The following EML4 variants were observed in gnomAD, a reference collection of about 807,000 sequenced individuals.
The protein encoded by EML4 is echinoderm microtubule-associated protein-like 4.
Under a neutral mutation model 129.0 loss-of-function variants are expected in EML4, and 72 were observed. The ratio of observed to expected loss-of-function variants is 0.56; its 90% confidence interval spans 0.46 to 0.68. The LOEUF (loss-of-function observed/expected upper bound fraction) is 0.68. EML4 is among the 30% of genes least tolerant of loss of function. EML4 has a pLI of 0.00. For missense variants in EML4, 1,363 were observed against 1,190.6 expected (o/e 1.14, Z -2.13); for synonymous variants, 532 against 405.0 (o/e 1.31, Z -3.77).
chr2:42,271,419 T>C (rs1305730810), intron 6 of EML4, among the ~76,000 whole-genome samples: 1 of 152,226 alleles, frequency 6.6e-6, no homozygotes, highest in Non-Finnish European at 1.5e-5. Context: ...GAGATTTTTT[T>C]TTAAGCCCTA....
At chr2:42,272,550 T>A (rs2104429839) in intron 6 of EML4, among the ~76,000 whole-genome samples, 1 of 152,300 alleles carries the variant, frequency 6.6e-6, no homozygotes, top group Admixed American at 6.5e-5. Flanking sequence ...CCCAAAGTGC[T>A]GGGATTACAG....
Position 42,303,210 on chromosome 2 carries a change from G to A in EML4, c.1748G>A (p.Gly583Asp). 1.2e-6 allele frequency: 2 copies of A among 1,614,136 alleles called. No individual in the cohort carries two copies. Among genetic ancestry groups the A allele is most frequent in the Non-Finnish European group, 1.7e-6 (2 of 1,180,016 alleles). ...NFILRGTFND[G>D]FQIEVQGHTD... is the part of the protein sequence containing the mutation. ...ATTTTACGAGGAACATTTAATGATG[G>A]CTTCCAAATAGAAGTACAGGTAAGC... The change falls in exon 15 of 23, where the codon GGC (glycine) becomes GAC (aspartate). Residue 583 changes from glycine (G) to aspartate (D), a missense_variant. Gly to Asp is a moderately conservative substitution (Grantham distance 94). Coordinates refer to ENST00000318522, the MANE Select transcript of EML4 (RefSeq NM_019063.5).
chr2:42,311,786 C>T (rs987704762), intron 17 of EML4, among the ~76,000 whole-genome samples: 2 of 152,186 alleles, frequency 1.3e-5, no homozygotes, highest in African/African-American at 4.8e-5. Context: ...GAGTTACATT[C>T]TCAGAAGAAA....
chr2:42,259,710 G>GTTTCTTTCTTTC (rs1424666717), intron 3 of EML4, among the ~76,000 whole-genome samples: 1 of 120,406 alleles, frequency 8.3e-6, no homozygotes, highest in Non-Finnish European at 1.7e-5. Flanking sequence ...CTATGATTTT[G>GTTTCTTTCTTTC]TTTCTTTCTT....
intron 1 of EML4, among the ~76,000 whole-genome samples, chr2:42,215,070 T>A (rs1673104345): frequency 6.6e-6 from 1 of 151,914 alleles, no homozygotes; most frequent in African/African-American, 2.4e-5. Context: ...GATGTAAAAC[T>A]TTTTTTTGAG....
intron 21 of EML4, among the ~76,000 whole-genome samples, chr2:42,326,851 C>T (rs1395026366): frequency 6.6e-6 from 1 of 152,174 alleles, no homozygotes; most frequent in Non-Finnish European, 1.5e-5. Flanking sequence ...CACTGCACTC[C>T]AGCCTGGGTG....
chr2:42,243,608 T>C lies in EML4; in HGVS notation c.26-1897T>C, dbSNP rs113823111. Among the ~76,000 whole-genome samples the C allele has an allele frequency of 4.3e-3, 649 of 152,308 alleles. 4 individuals are homozygous for C. The highest frequency in any genetic ancestry group is 0.016 in the South Asian group (76 of 4,826). On this transcript the variant is annotated intron_variant, in intron 1 of 22. Coordinates refer to ENST00000318522, the MANE Select transcript of EML4 (RefSeq NM_019063.5). ...AACTAGTTAATATGGAACCAGAATT[T>C]GAAGTCTAGATTAAAGATGAAACCC...
At chr2:42,304,146 C>T (rs1668461824) in intron 16 of EML4, among the ~76,000 whole-genome samples, 1 of 152,132 alleles carries the variant, frequency 6.6e-6, no homozygotes, top group African/African-American at 2.4e-5. Context: ...TTTCTCTCTA[C>T]CCAACCCAGA....
chr2:42,225,147 C>T (rs2104143193), intron 1 of EML4, among the ~76,000 whole-genome samples: 1 of 152,146 alleles, frequency 6.6e-6, no homozygotes, highest in South Asian at 2.1e-4. Context: ...TTTGTTTATC[C>T]ATTCATGTGT....
intron 9 of EML4, 73 bp from the exon 10 acceptor site, chr2:42,286,196 A>G (rs747397961): frequency 2.3e-6 from 2 of 855,960 alleles, no homozygotes; most frequent in African/African-American, 3.3e-5. Flanking sequence ...TTTAAATGGC[A>G]TTAGTTCTGT....
chr2:42,287,676 G>A (rs1339076327), intron 10 of EML4, among the ~76,000 whole-genome samples: 1 of 152,084 alleles, frequency 6.6e-6, no homozygotes, highest in Non-Finnish European at 1.5e-5. Flanking sequence ...AGAAAAACAG[G>A]AAATTTCATT....
chr2:42,264,132 G>C (rs1288725610), intron 5 of EML4, among the ~76,000 whole-genome samples: 1 of 62,550 alleles, frequency 1.6e-5, no homozygotes, highest in Non-Finnish European at 3.9e-5. Context: ...TTTTTTTTGA[G>C]ACAGTGTCTC....
At chr2:42,248,737 T>C (rs79739922) in intron 2 of EML4, among the ~76,000 whole-genome samples, 266 of 152,290 alleles carry the variant, frequency 1.7e-3, no homozygotes, top group Non-Finnish European at 3.2e-3. Context: ...AACTTTGCTA[T>C]TTTATAATAT....
chr2:42,254,965 C>T (rs1347271235), intron 2 of EML4, among the ~76,000 whole-genome samples: 2 of 152,048 alleles, frequency 1.3e-5, no homozygotes, highest in African/African-American at 4.8e-5. Context: ...AATATATGTG[C>T]TACAACATGG....
At chr2:42,309,753 G>A (rs1000969591) in intron 17 of EML4, among the ~76,000 whole-genome samples, 9 of 147,566 alleles carry the variant, frequency 6.1e-5, no homozygotes, top group Admixed American at 6.0e-4. Flanking sequence ...GTCTGTTCTT[G>A]TAAGAGTTTT....
At chr2:42,199,419 GATA>G (rs1672088027) in intron 1 of EML4, among the ~76,000 whole-genome samples, 1 of 152,324 alleles carries the variant, frequency 6.6e-6, no homozygotes, top group Non-Finnish European at 1.5e-5. Flanking sequence ...GTTGATTGAT[GATA>G]ATGATGAATA....
In EML4 at chr2:42,317,433, C is replaced by T. The variant is rs772535129; in HGVS notation, c.2063C>T (p.Thr688Ile). Reference protein sequence around the residue: ...LSVMRYSIDGTFLAVGSHDNF... With the variant: ...LSVMRYSIDGIFLAVGSHDNF... ...CTGACCTATTTTATTCTAGATGGTA[C>T]CTTCCTGGCTGTAGGATCTCATGAC... The change falls in exon 19 of 23, where the codon ACC (threonine) becomes ATC (isoleucine). Residue 688 changes from threonine to isoleucine, a missense_variant. By Grantham distance (89) the Thr-to-Ile change is moderately conservative. Coordinates refer to ENST00000318522, the MANE Select transcript of EML4 (RefSeq NM_019063.5). The T allele has an allele frequency of 8.7e-6, 14 of 1,606,144 alleles. No homozygotes were observed. In the African/African-American group the frequency reaches 1.5e-4, roughly 17 times the overall value.
chr2:42,253,968 A>G (rs540245787), intron 2 of EML4, among the ~76,000 whole-genome samples: 7 of 152,360 alleles, frequency 4.6e-5, no homozygotes, highest in Middle Eastern at 6.8e-3. Context: ...TTTTGAAAAT[A>G]AAAGGGCAAG....
chr2:42,223,273 A>G (rs1315591393), intron 1 of EML4, among the ~76,000 whole-genome samples: 2 of 152,156 alleles, frequency 1.3e-5, no homozygotes. Context: ...GATTACGTAA[A>G]GATTACTGTT....
Sources: gnomAD v4.1 joint callset for allele counts (sites outside exome capture counted in the v4.1 genomes callset) on GRCh38, gnomAD v4.1.1 for gene constraint, MANE v1.5 for transcripts, NCBI Gene and HGNC (gene_info 2026-07-23, HGNC 2026-07-21) for gene names.